MED12: variants seen among roughly 807,000 people sequenced by gnomAD.
MED12 encodes the protein mediator of RNA polymerase II transcription subunit 12.
A neutral mutation model predicts 177.7 loss-of-function variants in MED12; 10 were observed. The observed-to-expected ratio is 0.06, with a 90% CI of 0.03 to 0.10. The LOEUF (loss-of-function observed/expected upper bound fraction) is 0.10. Ranked by LOEUF, MED12 falls within the 10% of genes least tolerant of loss-of-function variation. MED12 has a pLI of 1.00. For missense variants in MED12, 867 were observed against 1,780.8 expected (o/e 0.49, Z 9.23); for synonymous variants, 641 against 678.4 (o/e 0.94, Z 0.86).
rs754533515 is a variant in MED12 at position 71,121,587 on chromosome X, C to A, written c.872C>A (p.Ala291Glu). 23 of 1,211,483 alleles carry A rather than the reference C, an allele frequency of 1.9e-5. No individual in the cohort carries two copies. The highest frequency in any genetic ancestry group is 2.5e-5 in the Non-Finnish European group (22 of 895,383). Reference sequence around the variant, plus strand: ...TACTCTGGGGAATTTGTTCAGTCTGCATACCTGTCCCGCCGGCTTGCCTAC... The same window carrying A: ...TACTCTGGGGAATTTGTTCAGTCTGAATACCTGTCCCGCCGGCTTGCCTAC... The part of the protein sequence containing the change: ...LRYSGEFVQS[A>E]YLSRRLAYFC... The change falls in exon 7 of 45, where the codon GCA (alanine) becomes GAA (glutamate). Residue 291 changes from alanine (A) to glutamate (E), a missense_variant. Coordinates refer to ENST00000374080, the MANE Select transcript of MED12 (RefSeq NM_005120.3).
intron 1 of MED12, 56 bp downstream of exon 1, chrX:71,118,909 G>T: frequency 9.4e-7 from 1 of 1,059,163 alleles, no homozygotes; most frequent in Non-Finnish European, 1.3e-6. Flanking sequence ...CAGCCTAGGA[G>T]GAGGCACTGA....
Position 71,137,285 on chromosome X carries a change from G to A in MED12, c.5650G>A (p.Gly1884Ser), listed in dbSNP as rs147354926. ...YPGVLPTTMTGVMGLEPSSYK... is the reference protein window; with the variant it reads ...YPGVLPTTMTSVMGLEPSSYK... Reference sequence around the variant, plus strand: ...TGGAGTGCTGCCCACAACCATGACTGGCGTCATGGGTTTAGAACCCTCCTC... The same window carrying A: ...TGGAGTGCTGCCCACAACCATGACTAGCGTCATGGGTTTAGAACCCTCCTC... Residue 1884 changes from glycine to serine, a missense_variant, in exon 39 of 45, where the codon GGC becomes AGC. Transcript: ENST00000374080. The A allele has an allele frequency of 1.2e-3, 1,410 of 1,209,022 alleles. 8 individuals are homozygous for A. In the African/African-American group the frequency reaches 0.022, roughly 19 times the overall value.
chrX:71,135,999 G>A (rs1462154818), intron 36 of MED12, among the ~76,000 whole-genome samples: 1 of 99,150 alleles, frequency 1.0e-5, no homozygotes, highest in African/African-American at 3.9e-5. Flanking sequence ...TTTCTCTCCC[G>A]ATCTTCTCTC....
chrX:71,128,573 G>C lies in MED12; in HGVS notation c.3355-25G>C, dbSNP rs376673975. The C allele has an allele frequency of 3.6e-4, 438 of 1,208,624 alleles. 1 individual carries two copies. Among genetic ancestry groups the C allele is most frequent in the Middle Eastern group, 2.4e-4 (1 of 4,228 alleles). The stretch of plus-strand genomic sequence containing the variant: ...TGAGTGGGCCTCCACACTGAGTCAT[G>C]GTGTCTGTCTGTTTTTTCCTCCAGG... On this transcript the variant is annotated intron_variant, in intron 23 of 44. Coordinates refer to ENST00000374080, the MANE Select transcript of MED12 (RefSeq NM_005120.3).
At chrX:71,131,952 A>G (rs930426702) in intron 29 of MED12, 121 bp from the exon 30 acceptor site, 22 of 648,253 alleles carry the variant, frequency 3.4e-5, no homozygotes, top group Non-Finnish European at 5.4e-5. Context: ...TTGCGTTCCT[A>G]TCTCCCCATC....
rs2092280896 is a variant in MED12 at position 71,118,633 on chromosome X, CTTG to C, written c.-117_-115del. 3.4e-6 allele frequency: 2 copies of C among 595,819 alleles called. No individual in the cohort carries two copies. The highest frequency in any genetic ancestry group is 2.3e-5 in the African/African-American group (1 of 44,224). 49.1% of individuals were successfully genotyped at this position (595,819 alleles called of 1,213,427 possible). On this transcript the variant is annotated 5_prime_UTR_variant, in exon 1 of 45. Transcript: ENST00000374080. The stretch of plus-strand genomic sequence containing the variant: ...TGGTCGAGAGTTTCTAACGTGCCCC[CTTG>C]TTGTCTCTCGGCCGCCGTCCTCTCA...
At position 71,123,171 on chromosome X, in the gene MED12, G is replaced by A. The variant is rs875989806; in HGVS notation, c.1562G>A (p.Arg521His). ...AGCTGCAAGCGTTCTGGTCGGCATC[G>A]TGCTATGGTGGTAGCCAAGCTCCTG... is the stretch of plus-strand genomic sequence containing the variant. The part of the protein sequence containing the change: ...AVSCKRSGRH[R>H]AMVVAKLLEK... Residue 521 changes from arginine to histidine, a missense_variant, in exon 11 of 45, where the codon CGT becomes CAT. By Grantham distance (29) the Arg-to-His change is conservative. Around this residue, in one of 14 missense-constraint regions of MED12, gnomAD observed 309 missense variants for 556.3 expected, o/e 0.56. Coordinates refer to ENST00000374080, the MANE Select transcript of MED12 (RefSeq NM_005120.3). 8.3e-7 allele frequency: 1 copy of A among 1,211,571 alleles called. No homozygotes were observed.
intron 36 of MED12, 129 bp from the exon 37 acceptor site, chrX:71,136,148 ATGTC>A (rs1279533192): frequency 4.0e-6 from 3 of 756,852 alleles, no homozygotes; most frequent in Non-Finnish European, 6.1e-6. Context: ...ATGTGTATCC[ATGTC>A]TGTCTGTCTG....
chrX:71,135,819 T>C (rs753077435), intron 36 of MED12, among the ~76,000 whole-genome samples: 31 of 111,244 alleles, frequency 2.8e-4, no homozygotes, highest in Non-Finnish European at 5.5e-4. Context: ...CTCCACCTTT[T>C]TGTCTCTCTC....
In MED12 at chrX:71,120,127, C is replaced by G; in HGVS notation, c.510C>G (p.Ile170Met). ...TGACCTGTGCCTACTATGCAGCAAT[C>G]TCTGAGACCAAGGTTAAGAAGAGAC... ...IKMTCAYYAA[I>M]SETKVKKRHV... The change falls in exon 4 of 45, where the codon ATC becomes ATG. Residue 170 changes from isoleucine to methionine, a missense_variant. By Grantham distance (10) the Ile-to-Met change is conservative. Coordinates refer to ENST00000374080, the MANE Select transcript of MED12 (RefSeq NM_005120.3). 8.3e-7 allele frequency: 1 copy of G among 1,211,560 alleles called. No individual in the cohort carries two copies. Among genetic ancestry groups the G allele is most frequent in the Non-Finnish European group, 1.1e-6 (1 of 895,424 alleles).
At position 71,134,230 on chromosome X, in the gene MED12, C is replaced by CA. The variant is rs35646519; in HGVS notation, c.4618-106dup. ...TGGGTGACAGAGCGAGACTCCGTCT[C>CA]AAAAAAAAAAAAAAAAAAAAACTCA... On this transcript the variant is annotated intron_variant, in intron 33 of 44. Coordinates refer to ENST00000374080, the MANE Select transcript of MED12 (RefSeq NM_005120.3). 0.25 allele frequency: 63,789 copies of CA among 255,662 alleles called. 1,978 individuals are homozygous for CA. The highest frequency in any genetic ancestry group is 0.27 in the Non-Finnish European group (42,013 of 154,510). 21.1% of individuals were successfully genotyped at this position (255,662 alleles called of 1,213,427 possible).
chrX:71,131,114 T>C (rs957437720), intron 28 of MED12, among the ~76,000 whole-genome samples: 1 of 106,290 alleles, frequency 9.4e-6, no homozygotes, highest in Non-Finnish European at 1.9e-5. Context: ...TTTGGACTAT[T>C]TAAATGTAGT....
intron 4 of MED12, 95 bp downstream of exon 4, chrX:71,120,265 G>A (rs761512639): frequency 2.2e-6 from 2 of 924,500 alleles, no homozygotes; most frequent in Non-Finnish European, 3.1e-6. Context: ...TAGATTCCTT[G>A]TTTCTGCTTG....
At chrX:71,130,761 T>C (rs1248714172) in intron 28 of MED12, among the ~76,000 whole-genome samples, 3 of 112,728 alleles carry the variant, frequency 2.7e-5, no homozygotes, top group Admixed American at 9.4e-5. Flanking sequence ...CTGTGCACTT[T>C]CCTCTTCACA....
intron 24 of MED12, 119 bp downstream of exon 24, chrX:71,128,837 A>AG (rs2092309566): frequency 4.5e-6 from 4 of 889,677 alleles, no homozygotes; most frequent in Non-Finnish European, 4.8e-6. Flanking sequence ...GGCCTTCCTC[A>AG]GAAGGCCAGT....
chrX:71,139,423 G>A (rs1602306132), intron 41 of MED12, among the ~76,000 whole-genome samples: 1 of 110,818 alleles, frequency 9.0e-6, no homozygotes. Context: ...AATCTGTGCT[G>A]GGGAAGTCAC....
chrX:71,138,220 C>T (rs886783084), intron 41 of MED12, among the ~76,000 whole-genome samples: 1 of 111,862 alleles, frequency 8.9e-6, no homozygotes, highest in African/African-American at 3.3e-5. Context: ...GGTGTGGTAG[C>T]TCACACTGGT....
At chrX:71,129,476 A>G (rs1430947945) in intron 26 of MED12, 47 bp downstream of exon 26, 2 of 1,005,596 alleles carry the variant, frequency 2.0e-6, no homozygotes, top group Non-Finnish European at 2.8e-6. Flanking sequence ...TATAGGGTGG[A>G]GTGCCAGCTA....
chrX:71,136,991 C>G lies in MED12; in HGVS notation c.5513C>G (p.Ser1838Cys). 1 of 1,202,890 alleles carries G rather than the reference C, an allele frequency of 8.3e-7. No homozygotes were observed. Among genetic ancestry groups the G allele is most frequent in the Non-Finnish European group, 1.1e-6 (1 of 891,772 alleles). The change falls in exon 38 of 45, where the codon TCC (serine) becomes TGC (cysteine). Residue 1838 changes from serine to cysteine, a missense_variant. By Grantham distance (112) the Ser-to-Cys change is moderately radical. Transcript: ENST00000374080. The part of the protein sequence containing the change: ...SITHLNYRQG[S>C]IGLYTQNQPL... ...ACACACCTTAACTACAGGCAAGGCTCCATAGGCCTGTACACCCAGAACCAG... is the reference window on the plus strand; with the variant it reads ...ACACACCTTAACTACAGGCAAGGCTGCATAGGCCTGTACACCCAGAACCAG...
Sources: allele counts gnomAD v4.1 joint callset (sites outside exome capture counted in the v4.1 genomes callset), GRCh38; gene constraint gnomAD v4.1.1; regional missense constraint gnomAD v4.1.1; transcripts MANE v1.5; gene names NCBI Gene and HGNC (gene_info 2026-07-23, HGNC 2026-07-21).